ASIC2: variants seen among roughly 807,000 people sequenced by gnomAD.
ASIC2 encodes the protein acid sensing ion channel subunit 2.
Under a neutral mutation model 57.3 loss-of-function variants are expected in ASIC2, and 25 were observed. The ratio of observed to expected loss-of-function variants is 0.44; its 90% CI spans 0.32 to 0.61. The LOEUF is 0.61. ASIC2 is among the 20% of genes least tolerant of loss of function. The pLI is 0.06. For missense variants in ASIC2, 641 were observed against 738.1 expected (o/e 0.87, Z 1.52); for synonymous variants, 319 against 307.5 (o/e 1.04, Z -0.39).
At chr17:33,534,992 C>G (rs1393954658) in intron 1 of ASIC2, among the ~76,000 whole-genome samples, 1 of 152,174 alleles carries the variant, frequency 6.6e-6, no homozygotes, top group East Asian at 1.9e-4. Context: ...TCCTTAGCAG[C>G]GCAGAAATCC....
chr17:33,550,355 G>A (rs1915714802), intron 1 of ASIC2, among the ~76,000 whole-genome samples: 1 of 152,196 alleles, frequency 6.6e-6, no homozygotes, highest in Admixed American at 6.5e-5. Context: ...GGTGGGCTCT[G>A]CTGGGCGACA....
At chr17:33,395,335 G>A (rs747521067) in intron 1 of ASIC2, among the ~76,000 whole-genome samples, 8 of 152,148 alleles carry the variant, frequency 5.3e-5, no homozygotes, top group Non-Finnish European at 1.2e-4. Flanking sequence ...GTTCCACATG[G>A]TGGGGGAAGC....
intron 1 of ASIC2, among the ~76,000 whole-genome samples, chr17:33,267,975 C>G (rs559031504): frequency 1.3e-3 from 199 of 152,238 alleles, no homozygotes; most frequent in Non-Finnish European, 2.2e-3. Flanking sequence ...GGGAAATTAT[C>G]GGTTCCTCAC....
intron 1 of ASIC2, among the ~76,000 whole-genome samples, chr17:33,249,241 C>T (rs1048843556): frequency 7.9e-5 from 12 of 151,648 alleles, no homozygotes; most frequent in South Asian, 2.1e-4. Context: ...GAATAGGTTT[C>T]GGGAGTAAGA....
chr17:33,492,014 C>A (rs922742141), intron 1 of ASIC2, among the ~76,000 whole-genome samples: 1 of 152,204 alleles, frequency 6.6e-6, no homozygotes, highest in Non-Finnish European at 1.5e-5. Flanking sequence ...TCCTGTCTCC[C>A]TCTAATCTTC....
intron 1 of ASIC2, among the ~76,000 whole-genome samples, chr17:34,064,959 G>A (rs1003093734): frequency 6.6e-6 from 1 of 152,166 alleles, no homozygotes; most frequent in African/African-American, 2.4e-5. Context: ...GCCACTATAG[G>A]AAACAATGTG....
At chr17:33,465,048 G>C (rs61011951) in intron 1 of ASIC2, among the ~76,000 whole-genome samples, 7 of 152,154 alleles carry the variant, frequency 4.6e-5, no homozygotes, top group Non-Finnish European at 8.8e-5. Flanking sequence ...TAAAAGGCAG[G>C]AAATTGCTCT....
rs201209134 is a variant in ASIC2 at position 34,027,659 on chromosome 17, GA to G, written c.555+128318del. On this transcript the variant is annotated intron_variant, in intron 1 of 9. Transcript: ENST00000359872. ...TGATTTCTGCTTAAAGGGGATGACAGAAAAAGTGTAGGATCTAGAGATAGAA... is the reference window on the plus strand; with the variant it reads ...TGATTTCTGCTTAAAGGGGATGACAGAAAAGTGTAGGATCTAGAGATAGAA... Among the ~76,000 whole-genome samples the G allele has an allele frequency of 6.2e-3, 942 of 152,306 alleles. 13 individuals carry two copies. The highest frequency in any genetic ancestry group is 0.021 in the African/African-American group (881 of 41,560).
intron 1 of ASIC2, among the ~76,000 whole-genome samples, chr17:33,346,253 A>AG (rs1491349197): frequency 6.3e-5 from 8 of 127,888 alleles, no homozygotes; most frequent in Admixed American, 3.3e-4. Flanking sequence ...AAAAAAAAAA[A>AG]AGAGAGAGAG....
At chr17:34,039,563 C>A (rs1216027780) in intron 1 of ASIC2, 50 of 1,613,808 alleles carry the variant, frequency 3.1e-5, no homozygotes, top group Admixed American at 6.7e-5. Context: ...ACTGGTGGAA[C>A]ACTTCTGCCA....
At chr17:33,923,881 T>C (rs919625038) in intron 1 of ASIC2, among the ~76,000 whole-genome samples, 3 of 152,106 alleles carry the variant, frequency 2.0e-5, no homozygotes, top group Admixed American at 6.5e-5. Context: ...TGCTTCACCA[T>C]TGACTCCATT....
At chr17:33,909,858 C>A (rs1462983861) in intron 1 of ASIC2, among the ~76,000 whole-genome samples, 1 of 152,140 alleles carries the variant, frequency 6.6e-6, no homozygotes, top group Non-Finnish European at 1.5e-5. Flanking sequence ...GGATATGTTT[C>A]TCTCATCCCC....
intron 1 of ASIC2, among the ~76,000 whole-genome samples, chr17:33,223,166 TTTTC>T (rs1425161796): frequency 6.6e-6 from 1 of 152,090 alleles, no homozygotes; most frequent in Non-Finnish European, 1.5e-5. Flanking sequence ...TTTTCTTTTT[TTTTC>T]TTTCTTTCTT....
At chr17:33,956,674 C>T (rs1292023103) in intron 1 of ASIC2, among the ~76,000 whole-genome samples, 2 of 152,234 alleles carry the variant, frequency 1.3e-5, no homozygotes, top group Non-Finnish European at 2.9e-5. Flanking sequence ...AGTTTCTCCT[C>T]CTAACAGTCA....
At chr17:34,097,011 G>A (rs1910572349) in intron 1 of ASIC2, among the ~76,000 whole-genome samples, 5 of 151,822 alleles carry the variant, frequency 3.3e-5, no homozygotes, top group Admixed American at 3.3e-4. Context: ...TTTTTACTTA[G>A]AAGCTCATAC....
intron 1 of ASIC2, among the ~76,000 whole-genome samples, chr17:33,168,094 C>G (rs1317246075): frequency 6.6e-6 from 1 of 152,264 alleles, no homozygotes; most frequent in Non-Finnish European, 1.5e-5. Flanking sequence ...CTTTCTTTCT[C>G]TGTCTCACAT....
chr17:33,443,049 T>A (rs891942459), intron 1 of ASIC2, among the ~76,000 whole-genome samples: 1 of 152,248 alleles, frequency 6.6e-6, no homozygotes, highest in African/African-American at 2.4e-5. Flanking sequence ...TTTTTGATAT[T>A]TCTTCTATTA....
chr17:33,158,684 T>C (rs1255283874), intron 1 of ASIC2, among the ~76,000 whole-genome samples: 8 of 152,236 alleles, frequency 5.3e-5, no homozygotes, highest in Admixed American at 5.2e-4. Context: ...ATATTACTAC[T>C]TGTCACCCAT....
intron 1 of ASIC2, chr17:33,793,690 T>C (rs1041715931): frequency 6.6e-6 from 1 of 152,246 alleles, no homozygotes; most frequent in Non-Finnish European, 1.5e-5. Context: ...GCTTCTACCA[T>C]GTGCCTGTTT....
Sources: gnomAD v4.1 joint callset for allele counts (sites outside exome capture counted in the v4.1 genomes callset) on GRCh38, gnomAD v4.1.1 for gene constraint, MANE v1.5 for transcripts, NCBI Gene and HGNC (gene_info 2026-07-23, HGNC 2026-07-21) for gene names.